Variants in TOX observed in about 807,000 individuals in gnomAD.
TOX encodes the protein thymocyte selection-associated high mobility group box protein TOX.
A neutral mutation model predicts 53.7 loss-of-function variants in TOX; 11 were observed. That is an observed-to-expected ratio of 0.20 (90% CI 0.13 to 0.34). The LOEUF is 0.34. Ranked by LOEUF, TOX falls within the 10% of genes least tolerant of loss-of-function variation. The pLI is 1.00. For missense variants in TOX, 570 were observed against 664.6 expected (o/e 0.86, Z 1.56); for synonymous variants, 225 against 245.3 (o/e 0.92, Z 0.77).
intron 1 of TOX, among the ~76,000 whole-genome samples, chr8:59,064,857 T>C (rs1455899567): frequency 6.6e-6 from 1 of 152,202 alleles, no homozygotes; most frequent in Non-Finnish European, 1.5e-5. Flanking sequence ...AAATAGTCTG[T>C]ATAATTTTTA....
rs529325021 is a variant in TOX, at chr8:59,010,585, C to A, written c.103-50577G>T. Reference sequence around the variant, plus strand: ...TGTGACCCTAGATGTATCACCTGATCATTGTATGAGATTATAAAAGCCATT... The same window carrying A: ...TGTGACCCTAGATGTATCACCTGATAATTGTATGAGATTATAAAAGCCATT... On this transcript the variant is annotated intron_variant, in intron 1 of 8. Transcript: ENST00000361421. Among the ~76,000 whole-genome samples the A allele has an allele frequency of 3.9e-5, 6 of 152,274 alleles. No individual in the cohort carries two copies. The South Asian group carries it at 1.2e-3, about 32-fold the overall frequency.
At chr8:58,943,305 G>C (rs568290348) in intron 2 of TOX, among the ~76,000 whole-genome samples, 1 of 152,282 alleles carries the variant, frequency 6.6e-6, no homozygotes, top group East Asian at 1.9e-4. Context: ...TGATGCCCAT[G>C]CCTGGCCAGA....
chr8:58,838,056 T>A (rs1265057659), intron 5 of TOX, 25 bp downstream of exon 5: 1 of 1,607,226 alleles, frequency 6.2e-7, no homozygotes, highest in South Asian at 1.1e-5. Flanking sequence ...TTATGTAGAT[T>A]CCCATTCCAC....
At chr8:58,876,297 C>G (rs1811282255) in intron 3 of TOX, among the ~76,000 whole-genome samples, 1 of 151,952 alleles carries the variant, frequency 6.6e-6, no homozygotes, top group African/African-American at 2.4e-5. Flanking sequence ...ATTTTATCAT[C>G]TGAATTGGGT....
At chr8:59,007,475 G>C (rs139005277) in intron 1 of TOX, among the ~76,000 whole-genome samples, 6 of 152,062 alleles carry the variant, frequency 3.9e-5, no homozygotes, top group Non-Finnish European at 5.9e-5. Context: ...GTAAATCAAA[G>C]GCCTATTTTC....
intron 3 of TOX, among the ~76,000 whole-genome samples, chr8:58,886,544 G>A (rs986325520): frequency 6.6e-6 from 1 of 152,010 alleles, no homozygotes; most frequent in African/African-American, 2.4e-5. Flanking sequence ...TCTACCTGTG[G>A]TCAGATAAAA....
intron 6 of TOX, among the ~76,000 whole-genome samples, chr8:58,821,410 T>A (rs1320953268): frequency 2.0e-5 from 3 of 152,232 alleles, no homozygotes; most frequent in Non-Finnish European, 2.9e-5. Context: ...GTTTATTTTT[T>A]AAATTTTTGA....
At chr8:58,826,985 A>C in intron 5 of TOX, 83 bp from the exon 6 acceptor site, 3 of 842,040 alleles carry the variant, frequency 3.6e-6, no homozygotes, top group Non-Finnish European at 5.3e-6. Flanking sequence ...TGATAACTGC[A>C]CACACAAACA....
intron 1 of TOX, among the ~76,000 whole-genome samples, chr8:59,000,367 C>A (rs1813668312): frequency 6.6e-6 from 1 of 151,752 alleles, no homozygotes; most frequent in South Asian, 2.1e-4. Flanking sequence ...ATGGGAATAC[C>A]CAGTATATAT....
chr8:59,109,801 A>C (rs1042798511), intron 1 of TOX, among the ~76,000 whole-genome samples: 5 of 152,120 alleles, frequency 3.3e-5, no homozygotes. Context: ...AACATGGTCT[A>C]TTTTGTGGGA....
At chr8:58,950,566 C>G (rs1812604792) in intron 2 of TOX, among the ~76,000 whole-genome samples, 1 of 152,148 alleles carries the variant, frequency 6.6e-6, no homozygotes, top group Non-Finnish European at 1.5e-5. Context: ...ACAAAGAAAG[C>G]TTATGCTGAA....
chr8:58,983,384 G>T (rs1450384215), intron 1 of TOX, among the ~76,000 whole-genome samples: 1 of 152,196 alleles, frequency 6.6e-6, no homozygotes, highest in Non-Finnish European at 1.5e-5. Flanking sequence ...GATGCTGCTG[G>T]TCCAGCAACC....
At chr8:58,909,045 C>A (rs145258743) in intron 3 of TOX, among the ~76,000 whole-genome samples, 315 of 152,334 alleles carry the variant, frequency 2.1e-3, no homozygotes, top group African/African-American at 7.0e-3. Context: ...TTTCAGAGAA[C>A]ACAGAAACAC....
At chr8:58,978,244 C>T (rs911664003) in intron 1 of TOX, among the ~76,000 whole-genome samples, 3 of 152,154 alleles carry the variant, frequency 2.0e-5, no homozygotes, top group African/African-American at 7.2e-5. Context: ...TACATGATCT[C>T]CCAGATTAAT....
intron 3 of TOX, among the ~76,000 whole-genome samples, chr8:58,902,067 CAT>C (rs920720554): frequency 6.6e-6 from 1 of 152,138 alleles, no homozygotes; most frequent in African/African-American, 2.4e-5. Context: ...ATTCTGGTAA[CAT>C]ATCTCCATAT....
chr8:59,106,740 C>G (rs1363770399), intron 1 of TOX, among the ~76,000 whole-genome samples: 7 of 152,242 alleles, frequency 4.6e-5, no homozygotes, highest in Non-Finnish European at 2.9e-5. Context: ...TTTTTGACAA[C>G]ATTCAGCGAA....
chr8:58,868,815 A>C (rs1811146925), intron 3 of TOX, among the ~76,000 whole-genome samples: 1 of 151,900 alleles, frequency 6.6e-6, no homozygotes, highest in Non-Finnish European at 1.5e-5. Flanking sequence ...GAAAAGAAAT[A>C]ATCAAAATTA....
At chr8:59,090,416 C>A (rs527749420) in intron 1 of TOX, among the ~76,000 whole-genome samples, 1 of 152,106 alleles carries the variant, frequency 6.6e-6, no homozygotes, top group Non-Finnish European at 1.5e-5. Flanking sequence ...TGTCAAGAGG[C>A]GGACACGGTG....
At chr8:58,904,916 A>T (rs1379868807) in intron 3 of TOX, among the ~76,000 whole-genome samples, 3 of 152,152 alleles carry the variant, frequency 2.0e-5, no homozygotes, top group Non-Finnish European at 4.4e-5. Context: ...TTTGTCCACG[A>T]ATTGGCTGTA....
Sources: gnomAD v4.1 joint callset for allele counts (sites outside exome capture counted in the v4.1 genomes callset) on GRCh38, gnomAD v4.1.1 for gene constraint, MANE v1.5 for transcripts, NCBI Gene and HGNC (gene_info 2026-07-23, HGNC 2026-07-21) for gene names.